Variants in CTNND2 observed in about 807,000 individuals in gnomAD.
CTNND2 encodes catenin delta 2, also known as catenin delta-2.
CTNND2 carries 22 observed loss-of-function variants against 144.4 expected under a neutral mutation model. The ratio of observed to expected loss-of-function variants is 0.15; its 90% confidence interval spans 0.11 to 0.22. The LOEUF (loss-of-function observed/expected upper bound fraction) is 0.22, where lower values mean the gene tolerates loss of function less well. Among genes scored for constraint, CTNND2 ranks in the 10% least tolerant of loss-of-function variants. The pLI is 1.00. For missense variants in CTNND2, 1,353 were observed against 1,618.8 expected (o/e 0.84, Z 2.82); for synonymous variants, 751 against 695.6 (o/e 1.08, Z -1.25).
At chr5:11,118,985 T>A (rs1753823530) in intron 12 of CTNND2, among the ~76,000 whole-genome samples, 1 of 152,120 alleles carries the variant, frequency 6.6e-6, no homozygotes, top group South Asian at 2.1e-4. Context: ...CTCTTGGCTC[T>A]TTGAACCTCC....
chr5:11,495,914 C>T (rs889693874), intron 3 of CTNND2, among the ~76,000 whole-genome samples: 3 of 152,110 alleles, frequency 2.0e-5, no homozygotes, highest in East Asian at 3.9e-4. Context: ...CCCAGTGGCC[C>T]GAAAGATGCT....
At chr5:11,257,927 G>A (rs1455189259) in intron 9 of CTNND2, among the ~76,000 whole-genome samples, 3 of 152,096 alleles carry the variant, frequency 2.0e-5, no homozygotes, top group African/African-American at 7.2e-5. Flanking sequence ...TTTCAACATC[G>A]CCATCATTCT....
chr5:11,210,868 G>C (rs1227158723), intron 10 of CTNND2, among the ~76,000 whole-genome samples: 8 of 152,162 alleles, frequency 5.3e-5, no homozygotes, highest in Non-Finnish European at 1.0e-4. Flanking sequence ...GAGGTGAGAT[G>C]GGCCATGGTC....
At chr5:11,443,023 T>C (rs1272962854) in intron 3 of CTNND2, among the ~76,000 whole-genome samples, 1 of 149,790 alleles carries the variant, frequency 6.7e-6, no homozygotes, top group Non-Finnish European at 1.5e-5. Flanking sequence ...TATTGGTTTC[T>C]ATTGGCATTT....
chr5:11,067,666 C>A (rs994962300), intron 16 of CTNND2, among the ~76,000 whole-genome samples: 1 of 152,236 alleles, frequency 6.6e-6, no homozygotes, highest in African/African-American at 2.4e-5. Flanking sequence ...ACCCTGCCCT[C>A]ATTGAAGAAT....
intron 9 of CTNND2, among the ~76,000 whole-genome samples, chr5:11,261,841 G>A (rs1046796095): frequency 6.6e-6 from 1 of 152,196 alleles, no homozygotes; most frequent in Non-Finnish European, 1.5e-5. Flanking sequence ...CTTCCTGAAA[G>A]TCAACTTGAA....
chr5:11,791,686 A>G (rs1791143918), intron 1 of CTNND2, among the ~76,000 whole-genome samples: 1 of 152,224 alleles, frequency 6.6e-6, no homozygotes, highest in African/African-American at 2.4e-5. Flanking sequence ...TTTTGCTATG[A>G]AAGTGGTTCA....
chr5:11,283,837 A>T (rs960864813), intron 9 of CTNND2, among the ~76,000 whole-genome samples: 19 of 152,294 alleles, frequency 1.2e-4, no homozygotes, highest in African/African-American at 4.3e-4. Flanking sequence ...GAATTGAGGA[A>T]ATTCATGTAA....
chr5:11,700,519 C>T (rs1445426134), intron 2 of CTNND2, among the ~76,000 whole-genome samples: 1 of 152,166 alleles, frequency 6.6e-6, no homozygotes, highest in Non-Finnish European at 1.5e-5. Context: ...TGGTTGTATT[C>T]AGCGTGCTGG....
chr5:11,411,558 T>C lies in CTNND2; in HGVS notation c.417A>G (p.Pro139=), dbSNP rs552719601. ...RSLQESGILD[P]QDYSTGERPS... is the part of the protein sequence containing the mutation. ...TACTTTCACCTGTAGAATAATCCTG[T>C]GGGTCAAGTATTCCTGATTCCTGTA... The change falls in exon 5 of 22, where the codon CCA becomes CCG. Residue 139 remains proline, a synonymous_variant. Transcript: ENST00000304623. The C allele has an allele frequency of 4.4e-6, 7 of 1,604,168 alleles. No individual in the cohort carries two copies. The African/African-American group carries it at 6.7e-5, about 15-fold the overall frequency.
intron 9 of CTNND2, among the ~76,000 whole-genome samples, chr5:11,276,364 C>G (rs944046964): frequency 3.3e-5 from 5 of 152,196 alleles, no homozygotes; most frequent in African/African-American, 1.2e-4. Flanking sequence ...AAATCAGCCA[C>G]TCCTCCTTGA....
At chr5:11,132,697 T>C (rs1755743579) in intron 12 of CTNND2, among the ~76,000 whole-genome samples, 1 of 152,208 alleles carries the variant, frequency 6.6e-6, no homozygotes, top group Admixed American at 6.5e-5. Flanking sequence ...ATATTTTCCC[T>C]GGAAACCAAC....
chr5:11,290,027 G>A (rs1017826717), intron 9 of CTNND2, among the ~76,000 whole-genome samples: 1 of 152,148 alleles, frequency 6.6e-6, no homozygotes, highest in Non-Finnish European at 1.5e-5. Context: ...GCAACTACAA[G>A]GATCGAGTAT....
intron 2 of CTNND2, among the ~76,000 whole-genome samples, chr5:11,583,531 A>G (rs143363028): frequency 5.3e-5 from 8 of 152,360 alleles, no homozygotes; most frequent in African/African-American, 1.7e-4. Flanking sequence ...ATACCATGTA[A>G]TGGAATAATT....
intron 3 of CTNND2, among the ~76,000 whole-genome samples, chr5:11,504,077 A>C (rs1770778510): frequency 6.6e-6 from 1 of 152,212 alleles, no homozygotes; most frequent in African/African-American, 2.4e-5. Context: ...GAATCATTAT[A>C]TTTATCACCG....
chr5:11,656,282 A>G (rs1360078421), intron 2 of CTNND2, among the ~76,000 whole-genome samples: 2 of 152,026 alleles, frequency 1.3e-5, no homozygotes, highest in Non-Finnish European at 2.9e-5. Flanking sequence ...TTCTGTGTGA[A>G]ATGTTACCCT....
chr5:11,057,535 G>A (rs1055832746), intron 16 of CTNND2, among the ~76,000 whole-genome samples: 7 of 152,226 alleles, frequency 4.6e-5, no homozygotes, highest in Admixed American at 3.9e-4. Flanking sequence ...CCCCAGCCAT[G>A]TGGAGCTGTA....
chr5:11,777,110 C>T (rs1790297318), intron 1 of CTNND2, among the ~76,000 whole-genome samples: 1 of 152,192 alleles, frequency 6.6e-6, no homozygotes, highest in Admixed American at 6.5e-5. Context: ...CAAGTTCTCA[C>T]TTTCAATTAC....
At chr5:11,674,936 C>T (rs377298432) in intron 2 of CTNND2, among the ~76,000 whole-genome samples, 41 of 152,166 alleles carry the variant, frequency 2.7e-4, no homozygotes, top group African/African-American at 9.4e-4. Context: ...CCATGCTGGC[C>T]GGGCTGGTCT....
Sources: gnomAD v4.1 joint callset for allele counts (sites outside exome capture counted in the v4.1 genomes callset) on GRCh38, gnomAD v4.1.1 for gene constraint, MANE v1.5 for transcripts, NCBI Gene and HGNC (gene_info 2026-07-23, HGNC 2026-07-21) for gene names.